SPIDR: variants seen among roughly 807,000 people sequenced by gnomAD.
The protein encoded by SPIDR is DNA repair-scaffolding protein.
Under a neutral mutation model 104.6 loss-of-function variants are expected in SPIDR, and 93 were observed. The ratio of observed to expected loss-of-function variants is 0.89; its 90% confidence interval spans 0.75 to 1.06. The LOEUF (loss-of-function observed/expected upper bound fraction) is 1.06, where lower values mean the gene tolerates loss of function less well. Among genes scored for constraint, SPIDR ranks in the 50% least tolerant of loss-of-function variants. The pLI is 0.00. For synonymous variants in SPIDR, 431 were observed against 416.9 expected (o/e 1.03, Z -0.41); for missense variants, 1,154 against 1,111.2 (o/e 1.04, Z -0.55).
chr8:47,398,262 C>T (rs2061461755), intron 6 of SPIDR, among the ~76,000 whole-genome samples: 1 of 152,156 alleles, frequency 6.6e-6, no homozygotes. Flanking sequence ...TGTCCCCAGC[C>T]CTGCTGAGGG....
chr8:47,668,158 G>C (rs1278433369), intron 10 of SPIDR, among the ~76,000 whole-genome samples: 1 of 152,104 alleles, frequency 6.6e-6, no homozygotes, highest in Non-Finnish European at 1.5e-5. Context: ...CTTATACTTA[G>C]AATTTTTATC....
intron 8 of SPIDR, among the ~76,000 whole-genome samples, chr8:47,513,161 A>G (rs2082624085): frequency 6.6e-6 from 1 of 152,244 alleles, no homozygotes; most frequent in Non-Finnish European, 1.5e-5. Context: ...CTATTTTAGC[A>G]TCTGCTGCAG....
intron 5 of SPIDR, among the ~76,000 whole-genome samples, chr8:47,303,038 C>T (rs1041899096): frequency 6.6e-6 from 1 of 152,190 alleles, no homozygotes; most frequent in African/African-American, 2.4e-5. Context: ...TGCCCTGCCC[C>T]CAGAGGTGAG....
intron 5 of SPIDR, among the ~76,000 whole-genome samples, chr8:47,341,992 T>G (rs555237390): frequency 3.3e-5 from 5 of 152,272 alleles, no homozygotes; most frequent in African/African-American, 1.2e-4. Flanking sequence ...CTATCGGGCT[T>G]TTTTCCATTC....
Position 47,306,350 on chromosome 8 carries a change from A to G in SPIDR, c.525+12320A>G, listed in dbSNP as rs2043093736. ...GAGACAGGGCTTCACTATGTTGGCCAGGCTGGTCTTGAACTCTTGACCTCA... is the reference window on the plus strand; with the variant it reads ...GAGACAGGGCTTCACTATGTTGGCCGGGCTGGTCTTGAACTCTTGACCTCA... On this transcript the variant is annotated intron_variant, in intron 5 of 19. Transcript: ENST00000297423. Among the ~76,000 whole-genome samples the G allele has an allele frequency of 3.3e-5, 5 of 152,286 alleles. No individual in the cohort carries two copies. In the South Asian group the frequency reaches 1.0e-3, roughly 32 times the overall value.
Position 47,422,173 on chromosome 8 carries a change from C to T in SPIDR, c.877+14212C>T, listed in dbSNP as rs150929496. Among the ~76,000 whole-genome samples the T allele has an allele frequency of 7.4e-3, 1,121 of 152,338 alleles. 9 individuals are homozygous for T. Among genetic ancestry groups the T allele is most frequent in the Non-Finnish European group, 0.011 (749 of 68,030 alleles). On this transcript the variant is annotated intron_variant, in intron 7 of 19. Transcript: ENST00000297423. ...ACTTTTGAGTCAGCAGAGGTTTCTGCTGCCTTTTGTTTGGCTATGTCCTGC... is the reference window on the plus strand; with the variant it reads ...ACTTTTGAGTCAGCAGAGGTTTCTGTTGCCTTTTGTTTGGCTATGTCCTGC...
chr8:47,690,201 A>G (rs1191612729), intron 11 of SPIDR, among the ~76,000 whole-genome samples: 1 of 151,870 alleles, frequency 6.6e-6, no homozygotes, highest in Non-Finnish European at 1.5e-5. Flanking sequence ...AGAAGAGAGA[A>G]CTGTTTGCAG....
At chr8:47,436,541 G>A (rs1806303625) in intron 7 of SPIDR, among the ~76,000 whole-genome samples, 2 of 152,116 alleles carry the variant, frequency 1.3e-5, no homozygotes, top group Non-Finnish European at 2.9e-5. Context: ...GGGCAATAAA[G>A]TGAGACCCTG....
intron 8 of SPIDR, among the ~76,000 whole-genome samples, chr8:47,594,027 A>G (rs1264887518): frequency 6.6e-6 from 1 of 151,174 alleles, no homozygotes; most frequent in Non-Finnish European, 1.5e-5. Flanking sequence ...TAGTCTCTCC[A>G]TTGTCACAAT....
At chr8:47,615,463 G>A (rs1035843359) in intron 10 of SPIDR, among the ~76,000 whole-genome samples, 3 of 134,462 alleles carry the variant, frequency 2.2e-5, no homozygotes, top group East Asian at 2.3e-4. Context: ...CTATTTCTGC[G>A]AAAATAGCCT....
At chr8:47,497,536 C>A (rs1426504206) in intron 8 of SPIDR, among the ~76,000 whole-genome samples, 2 of 152,128 alleles carry the variant, frequency 1.3e-5, no homozygotes, top group African/African-American at 2.4e-5. Flanking sequence ...CTGTTGATTT[C>A]AAATTTCATT....
intron 8 of SPIDR, among the ~76,000 whole-genome samples, chr8:47,504,124 C>G (rs1019238616): frequency 1.3e-5 from 2 of 152,160 alleles, no homozygotes; most frequent in African/African-American, 2.4e-5. Context: ...TGGAGTTGCT[C>G]TTCTCGAGGA....
chr8:47,575,042 T>A (rs2058919903), intron 8 of SPIDR, among the ~76,000 whole-genome samples: 2 of 152,086 alleles, frequency 1.3e-5, no homozygotes, highest in African/African-American at 4.8e-5. Flanking sequence ...ACAGAACCCC[T>A]GAGCTGTTAT....
intron 8 of SPIDR, among the ~76,000 whole-genome samples, chr8:47,538,543 CA>C (rs1444513381): frequency 6.6e-6 from 1 of 151,424 alleles, no homozygotes; most frequent in African/African-American, 2.4e-5. Context: ...GACTCTGCCT[CA>C]AAAAAAAGAA....
chr8:47,531,645 T>A (rs1429554317), intron 8 of SPIDR, among the ~76,000 whole-genome samples: 1 of 152,236 alleles, frequency 6.6e-6, no homozygotes, highest in Non-Finnish European at 1.5e-5. Context: ...GGATTCTACT[T>A]CTGTTTCTTC....
chr8:47,529,288 C>T (rs530289935), intron 8 of SPIDR, among the ~76,000 whole-genome samples: 8 of 151,978 alleles, frequency 5.3e-5, no homozygotes, highest in African/African-American at 1.4e-4. Context: ...CATGGTGACA[C>T]GCACCTGTAA....
chr8:47,397,936 G>A (rs1271735737), intron 6 of SPIDR, among the ~76,000 whole-genome samples: 2 of 152,134 alleles, frequency 1.3e-5, no homozygotes, highest in African/African-American at 2.4e-5. Flanking sequence ...GAAGAGGTAG[G>A]GAAGGAAGGT....
chr8:47,280,660 G>A (rs893901309), intron 2 of SPIDR, among the ~76,000 whole-genome samples: 4 of 152,018 alleles, frequency 2.6e-5, no homozygotes, highest in Non-Finnish European at 5.9e-5. Context: ...CCAAAGTGCT[G>A]GGATTACAGG....
chr8:47,605,092 A>G (rs577789951), intron 10 of SPIDR, among the ~76,000 whole-genome samples: 6 of 152,340 alleles, frequency 3.9e-5, no homozygotes, highest in African/African-American at 1.4e-4. Flanking sequence ...AACAATAGAG[A>G]CAAAGGAAAG....
Sources: allele counts gnomAD v4.1 joint callset (sites outside exome capture counted in the v4.1 genomes callset), GRCh38; gene constraint gnomAD v4.1.1; transcripts MANE v1.5; gene names NCBI Gene and HGNC (gene_info 2026-07-23, HGNC 2026-07-21).